Variants in CDH13 observed in about 807,000 individuals in gnomAD.
The protein encoded by CDH13 is cadherin 13.
A neutral mutation model predicts 63.8 loss-of-function variants in CDH13; 24 were observed. That is an observed-to-expected ratio of 0.38 (90% CI 0.27 to 0.53). The LOEUF (loss-of-function observed/expected upper bound fraction) is 0.53, where lower values mean the gene tolerates loss of function less well. Among genes scored for constraint, CDH13 ranks in the 20% least tolerant of loss-of-function variants. The pLI is 0.85. For missense variants in CDH13, 1,049 were observed against 903.1 expected (o/e 1.16, Z -2.07); for synonymous variants, 503 against 355.3 (o/e 1.42, Z -4.67).
intron 6 of CDH13, among the ~76,000 whole-genome samples, chr16:83,442,364 T>A (rs146651814): frequency 3.3e-5 from 5 of 152,188 alleles, no homozygotes; most frequent in Non-Finnish European, 7.3e-5. Flanking sequence ...CCCACCTCCA[T>A]GAGCAGCTAT....
At chr16:83,015,836 A>T (rs1216877988) in intron 2 of CDH13, among the ~76,000 whole-genome samples, 1 of 150,992 alleles carries the variant, frequency 6.6e-6, no homozygotes, top group Non-Finnish European at 1.5e-5. Flanking sequence ...TGTACTTGAG[A>T]TCCCATGTAA....
chr16:83,029,291 C>G (rs999195840), intron 2 of CDH13, among the ~76,000 whole-genome samples: 1 of 152,074 alleles, frequency 6.6e-6, no homozygotes, highest in East Asian at 1.9e-4. Flanking sequence ...CTTAGATTCT[C>G]AGATATTTAT....
At chr16:82,887,676 C>G (rs1482987630) in intron 2 of CDH13, among the ~76,000 whole-genome samples, 1 of 152,156 alleles carries the variant, frequency 6.6e-6, no homozygotes, top group Non-Finnish European at 1.5e-5. Flanking sequence ...CAAAAATTAG[C>G]TGGGCGTGGT....
At chr16:83,395,544 C>T (rs1206838212) in intron 6 of CDH13, among the ~76,000 whole-genome samples, 1 of 152,108 alleles carries the variant, frequency 6.6e-6, no homozygotes, top group Non-Finnish European at 1.5e-5. Context: ...AACTATTACT[C>T]TTCCAGAAGA....
intron 1 of CDH13, among the ~76,000 whole-genome samples, chr16:82,814,692 T>A (rs1360369226): frequency 6.6e-6 from 1 of 152,170 alleles, no homozygotes; most frequent in African/African-American, 2.4e-5. Context: ...AGTAAAGTGT[T>A]TTCCTGAGCA....
chr16:83,023,468 A>G (rs2151458877), intron 2 of CDH13, among the ~76,000 whole-genome samples: 1 of 152,334 alleles, frequency 6.6e-6, no homozygotes, highest in Non-Finnish European at 1.5e-5. Flanking sequence ...GAAGTCATTC[A>G]TAGGTTCAGA....
intron 1 of CDH13, among the ~76,000 whole-genome samples, chr16:82,722,765 C>T (rs2032859253): frequency 6.6e-6 from 1 of 152,110 alleles, no homozygotes; most frequent in African/African-American, 2.4e-5. Context: ...TAATTCAGTT[C>T]CTATCCCCAA....
intron 10 of CDH13, among the ~76,000 whole-genome samples, chr16:83,714,931 G>C (rs894553476): frequency 6.6e-6 from 1 of 152,128 alleles, no homozygotes; most frequent in Non-Finnish European, 1.5e-5. Flanking sequence ...GAAAAGTCTT[G>C]AGTGTGTTGC....
chr16:83,772,266 G>A lies in CDH13; in HGVS notation c.1682-7702G>A, dbSNP rs772781272. On this transcript the variant is annotated intron_variant, in intron 11 of 13. Coordinates refer to ENST00000567109, the MANE Select transcript of CDH13 (RefSeq NM_001257.5). ...ATACTGGCTAAAGTCAGGTTAGCTA[G>A]GAGGGAACATATGAGGAAGGCCCAA... Among the ~76,000 whole-genome samples, 3 of 152,194 alleles carry A rather than the reference G, an allele frequency of 2.0e-5. No homozygotes were observed. The South Asian group carries it at 6.2e-4, about 32-fold the overall frequency.
intron 3 of CDH13, among the ~76,000 whole-genome samples, chr16:83,115,205 G>C (rs1219962613): frequency 6.6e-6 from 1 of 152,188 alleles, no homozygotes. Context: ...AGTTACAGAG[G>C]CCAAAGAGCT....
chr16:83,611,849 C>G (rs1342001491), intron 8 of CDH13, among the ~76,000 whole-genome samples: 1 of 151,964 alleles, frequency 6.6e-6, no homozygotes, highest in Non-Finnish European at 1.5e-5. Flanking sequence ...CCATTAATTT[C>G]TATCTTAATT....
chr16:83,656,533 C>G (rs1912886204), intron 8 of CDH13, among the ~76,000 whole-genome samples: 1 of 152,072 alleles, frequency 6.6e-6, no homozygotes, highest in East Asian at 1.9e-4. Context: ...CAGGTGCTGA[C>G]TGATGAAGAG....
chr16:82,964,628 T>C (rs1268667367), intron 2 of CDH13, among the ~76,000 whole-genome samples: 1 of 152,356 alleles, frequency 6.6e-6, no homozygotes, highest in African/African-American at 2.4e-5. Flanking sequence ...AACCAACTTA[T>C]AACACTTCTT....
At position 83,479,944 on chromosome 16, in the gene CDH13, A is replaced by C. The variant is rs142043733; in HGVS notation, c.782-6533A>C. Among the ~76,000 whole-genome samples, 31 of 152,280 alleles carry C rather than the reference A, an allele frequency of 2.0e-4. 1 individual carries two copies. In the East Asian group the frequency reaches 6.0e-3, roughly 29 times the overall value. On this transcript the variant is annotated intron_variant, in intron 6 of 13. Transcript: ENST00000567109. The stretch of plus-strand genomic sequence containing the variant: ...AAATGTCTGAAAATATTCTTGGGGG[A>C]AGGTGTTAATGGAAACACAAGAGGC...
At chr16:83,417,579 A>G (rs1051023025) in intron 6 of CDH13, among the ~76,000 whole-genome samples, 2 of 152,208 alleles carry the variant, frequency 1.3e-5, no homozygotes, top group African/African-American at 4.8e-5. Context: ...GCTTGATAAC[A>G]TTAAGGCAGA....
intron 4 of CDH13, among the ~76,000 whole-genome samples, chr16:83,142,105 T>G (rs6565133): frequency 0.3 from 45,500 of 151,378 alleles, 7,994 homozygotes; most frequent in African/African-American, 0.49. Flanking sequence ...CTGGTGAGCA[T>G]AAGTTCTACA....
chr16:82,945,687 C>A (rs544005809), intron 2 of CDH13, among the ~76,000 whole-genome samples: 1 of 152,130 alleles, frequency 6.6e-6, no homozygotes, highest in Non-Finnish European at 1.5e-5. Context: ...TAAGTCCCAT[C>A]TGCAAGGAAA....
chr16:82,910,562 G>C (rs2041798754), intron 2 of CDH13, among the ~76,000 whole-genome samples: 1 of 152,104 alleles, frequency 6.6e-6, no homozygotes, highest in Admixed American at 6.5e-5. Context: ...TCTGGTGTTA[G>C]TGATTGTTTC....
intron 7 of CDH13, among the ~76,000 whole-genome samples, chr16:83,544,543 C>T (rs890013496): frequency 6.6e-6 from 1 of 152,160 alleles, no homozygotes; most frequent in African/African-American, 2.4e-5. Context: ...ATGTTTAACA[C>T]TTCGTTATAA....
Sources: gnomAD v4.1 joint callset for allele counts (sites outside exome capture counted in the v4.1 genomes callset) on GRCh38, gnomAD v4.1.1 for gene constraint, MANE v1.5 for transcripts, NCBI Gene and HGNC (gene_info 2026-07-23, HGNC 2026-07-21) for gene names.